Variants in RPS6KA6 observed in about 807,000 individuals in gnomAD.
RPS6KA6 encodes the protein ribosomal protein S6 kinase A6.
In RPS6KA6, 27 loss-of-function variants were observed where a neutral mutation model predicts 65.4. That is an observed-to-expected ratio of 0.41 (90% confidence interval 0.30 to 0.57). The LOEUF is 0.57. RPS6KA6 is among the 20% of genes least tolerant of loss of function. RPS6KA6 has a pLI of 0.24. For synonymous variants in RPS6KA6, 190 were observed against 184.2 expected (o/e 1.03, Z -0.26); for missense variants, 486 against 555.6 (o/e 0.87, Z 1.26).
At chrX:84,180,724 A>C (rs1393430729) in intron 1 of RPS6KA6, among the ~76,000 whole-genome samples, 1 of 112,216 alleles carries the variant, frequency 8.9e-6, no homozygotes, top group Non-Finnish European at 1.9e-5. Flanking sequence ...TTAAATAGAC[A>C]GGCATGGCTA....
rs894297836 is a variant in RPS6KA6 at position 84,062,042 on chromosome X, TCAAA to T, written c.*2231_*2234del. 8.1e-5 allele frequency: 9 copies of T among 111,491 alleles called. No homozygotes were observed. The highest frequency in any genetic ancestry group is 2.9e-4 in the African/African-American group (9 of 30,698). The allele number at this position is 111,491 out of a possible 1,213,427, so 9.2% of individuals were successfully genotyped here. A position where few individuals can be genotyped will look rare whatever the true frequency, so the allele number is the denominator to read the frequency against. On this transcript the variant is annotated 3_prime_UTR_variant, in exon 22 of 22. Coordinates refer to ENST00000262752, the MANE Select transcript of RPS6KA6 (RefSeq NM_014496.5). ...ATTTGAGTTTTTCACTAGAAAACTCTCAAACAATTATCGGGTACATCCAGTAGCA... is the reference window on the plus strand; with the variant it reads ...ATTTGAGTTTTTCACTAGAAAACTCTCAATTATCGGGTACATCCAGTAGCA...
intron 2 of RPS6KA6, among the ~76,000 whole-genome samples, chrX:84,162,092 T>C (rs553738793): frequency 9.0e-6 from 1 of 111,116 alleles, no homozygotes; most frequent in Middle Eastern, 4.7e-3. Flanking sequence ...AACAAACTTT[T>C]TCTAACCTTG....
At chrX:84,107,495 A>G (rs888723664) in intron 13 of RPS6KA6, 128 bp downstream of exon 13, 8 of 410,330 alleles carry the variant, frequency 1.9e-5, no homozygotes, top group African/African-American at 1.3e-4. Flanking sequence ...TATAGGATCC[A>G]TATTTCCCAT....
chrX:84,181,115 G>T (rs1052065479), intron 1 of RPS6KA6, among the ~76,000 whole-genome samples: 1 of 111,364 alleles, frequency 9.0e-6, no homozygotes, highest in African/African-American at 3.3e-5. Context: ...TTTGTATTGG[G>T]TGTTTAAATT....
At chrX:84,147,923 G>T in intron 4 of RPS6KA6, 119 bp downstream of exon 4, 1 of 399,253 alleles carries the variant, frequency 2.5e-6, no homozygotes, top group Non-Finnish European at 4.3e-6. Context: ...TAGAAAAACT[G>T]CCACAAATAC....
At chrX:84,070,445 C>G (rs188473758) in intron 20 of RPS6KA6, among the ~76,000 whole-genome samples, 4 of 110,054 alleles carry the variant, frequency 3.6e-5, no homozygotes, top group Non-Finnish European at 7.6e-5. Flanking sequence ...CTAATGCTTG[C>G]GGGGCTTAAA....
chrX:84,113,571 C>A (rs868830008), intron 12 of RPS6KA6, among the ~76,000 whole-genome samples: 12 of 112,010 alleles, frequency 1.1e-4, no homozygotes, highest in Middle Eastern at 9.2e-3. Context: ...ATCATGTGAT[C>A]ATCTCAATAG....
intron 8 of RPS6KA6, among the ~76,000 whole-genome samples, chrX:84,133,033 AT>A (rs2034930215): frequency 8.9e-6 from 1 of 112,472 alleles, no homozygotes; most frequent in Admixed American, 9.4e-5. Context: ...GATAAAGAAT[AT>A]AAAATAAATC....
intron 8 of RPS6KA6, among the ~76,000 whole-genome samples, chrX:84,128,106 A>G (rs980790712): frequency 9.8e-5 from 11 of 111,888 alleles, no homozygotes; most frequent in African/African-American, 9.7e-5. Flanking sequence ...TAGAACTGAC[A>G]AACTCAGCAA....
chrX:84,167,322 G>A (rs763334896), intron 1 of RPS6KA6, among the ~76,000 whole-genome samples: 2 of 112,011 alleles, frequency 1.8e-5, no homozygotes, highest in East Asian at 5.6e-4. Flanking sequence ...TTCAACTGAT[G>A]AGTGGATAAA....
chrX:84,066,734 T>G (rs1344100885), intron 20 of RPS6KA6, among the ~76,000 whole-genome samples: 1 of 111,598 alleles, frequency 9.0e-6, no homozygotes, highest in African/African-American at 3.3e-5. Context: ...GAGCAGCTGA[T>G]CCTGACAACG....
chrX:84,095,680 A>T (rs986133041), intron 20 of RPS6KA6, among the ~76,000 whole-genome samples: 66 of 112,226 alleles, frequency 5.9e-4, no homozygotes, highest in Non-Finnish European at 1.0e-3. Flanking sequence ...AAAAAATTTA[A>T]TGTGGCTACT....
chrX:84,115,878 A>G (rs749347415), intron 12 of RPS6KA6, among the ~76,000 whole-genome samples: 4 of 111,769 alleles, frequency 3.6e-5, no homozygotes, highest in South Asian at 3.7e-4. Context: ...GTTCTCACTT[A>G]TAAGTGGGAG....
At chrX:84,143,024 A>G (rs2035134420) in intron 6 of RPS6KA6, among the ~76,000 whole-genome samples, 1 of 110,790 alleles carries the variant, frequency 9.0e-6, no homozygotes, top group South Asian at 3.8e-4. Flanking sequence ...ACATAATAAT[A>G]CAAGAAAATC....
intron 2 of RPS6KA6, among the ~76,000 whole-genome samples, chrX:84,160,392 C>T (rs1200378289): frequency 9.0e-6 from 1 of 111,052 alleles, no homozygotes; most frequent in African/African-American, 3.3e-5. Flanking sequence ...TCTACTATTG[C>T]TCCATTCATT....
At position 84,058,378 on chromosome X, in the gene RPS6KA6, G is replaced by A. The variant is rs1479889728; in HGVS notation, c.*5899C>T. On this transcript the variant is annotated 3_prime_UTR_variant, in exon 22 of 22. Transcript: ENST00000262752. ...TAGAAAGTTGCAGCCTTTTTATTTG[G>A]TACCCAGAGAATGCCAGTAATTTAA... 1 of 112,050 alleles carries A rather than the reference G, an allele frequency of 8.9e-6. No homozygotes were observed. The highest frequency in any genetic ancestry group is 3.2e-5 in the African/African-American group (1 of 30,871). 9.2% of individuals were successfully genotyped at this position (112,050 alleles called of 1,213,427 possible).
chrX:84,144,162 G>A (rs1029491632), intron 6 of RPS6KA6, among the ~76,000 whole-genome samples: 3 of 110,733 alleles, frequency 2.7e-5, no homozygotes, highest in African/African-American at 9.8e-5. Context: ...AATTAATAAA[G>A]GGAAAAAATC....
chrX:84,150,828 T>TAG (rs1402296214), intron 3 of RPS6KA6, among the ~76,000 whole-genome samples: 2 of 99,393 alleles, frequency 2.0e-5, no homozygotes, highest in African/African-American at 7.3e-5. Flanking sequence ...GATATATATA[T>TAG]AGAGAGGATA....
intron 8 of RPS6KA6, 31 bp from the exon 9 acceptor site, chrX:84,120,058 C>G: frequency 9.5e-7 from 1 of 1,057,386 alleles, no homozygotes; most frequent in Non-Finnish European, 1.3e-6. Context: ...AAAAATGTGT[C>G]TGAAAAACTT....
Sources: allele counts gnomAD v4.1 joint callset (sites outside exome capture counted in the v4.1 genomes callset), GRCh38; gene constraint gnomAD v4.1.1; transcripts MANE v1.5; gene names NCBI Gene and HGNC (gene_info 2026-07-23, HGNC 2026-07-21).